The following DGKB variants were observed in gnomAD, a reference collection of about 807,000 sequenced individuals.
The protein encoded by DGKB is 90 kDa diacylglycerol kinase.
In DGKB, 67 loss-of-function variants were observed where a neutral mutation model predicts 114.3. The ratio of observed to expected loss-of-function variants is 0.59; its 90% CI spans 0.48 to 0.72. The LOEUF is 0.72. DGKB is among the 30% of genes least tolerant of loss of function. The pLI, the probability that DGKB is intolerant of heterozygous loss-of-function variation, is 0.00. For synonymous variants in DGKB, 398 were observed against 323.1 expected, an observed-to-expected ratio of 1.23 and a Z score of -2.49; for missense variants, 907 against 975.2, an observed-to-expected ratio of 0.93 and a Z score of 0.93.
chr7:14,247,210 T>C (rs1463907733), intron 23 of DGKB, among the ~76,000 whole-genome samples: 2 of 151,934 alleles, frequency 1.3e-5, no homozygotes, highest in Non-Finnish European at 2.9e-5. Context: ...TGTGTGTATA[T>C]GTGTGTTAAT....
chr7:14,508,387 G>T (rs544125107), intron 20 of DGKB, among the ~76,000 whole-genome samples: 3 of 152,124 alleles, frequency 2.0e-5, no homozygotes, highest in Non-Finnish European at 4.4e-5. Context: ...TCTTTAAAAG[G>T]CTCATTCATT....
At chr7:14,555,624 C>A (rs1795760830) in intron 20 of DGKB, among the ~76,000 whole-genome samples, 1 of 152,120 alleles carries the variant, frequency 6.6e-6, no homozygotes, top group African/African-American at 2.4e-5. Context: ...AAGGCTGAAA[C>A]CTACTGGGCT....
chr7:14,364,498 G>A (rs1016276361), intron 21 of DGKB, among the ~76,000 whole-genome samples: 2 of 151,932 alleles, frequency 1.3e-5, no homozygotes, highest in Non-Finnish European at 2.9e-5. Context: ...ACATTCAATC[G>A]TCACAATAGA....
intron 23 of DGKB, among the ~76,000 whole-genome samples, chr7:14,201,949 T>G (rs1785957743): frequency 6.6e-6 from 1 of 151,982 alleles, no homozygotes; most frequent in South Asian, 2.1e-4. Flanking sequence ...CCTGATAGTC[T>G]TCTATAAGAG....
chr7:14,866,887 C>T (rs574922961), intron 1 of DGKB, among the ~76,000 whole-genome samples: 12 of 152,208 alleles, frequency 7.9e-5, no homozygotes, highest in South Asian at 2.1e-4. Flanking sequence ...TCCTTAATAG[C>T]GTTTGATGTT....
At chr7:14,251,891 G>T (rs898157639) in intron 23 of DGKB, among the ~76,000 whole-genome samples, 1 of 151,970 alleles carries the variant, frequency 6.6e-6, no homozygotes, top group African/African-American at 2.4e-5. Flanking sequence ...GATTTCCTTT[G>T]TGTAACAATT....
chr7:14,660,458 G>C (rs1309730260), intron 13 of DGKB, among the ~76,000 whole-genome samples: 1 of 152,200 alleles, frequency 6.6e-6, no homozygotes, highest in East Asian at 1.9e-4. Flanking sequence ...GAGACTGTAT[G>C]TGTCGAGGAA....
chr7:14,621,603 A>C, intron 14 of DGKB, 109 bp from the exon 15 acceptor site: 1 of 655,784 alleles, frequency 1.5e-6, no homozygotes, highest in Non-Finnish European at 2.6e-6. Context: ...CACAGGCTCA[A>C]CTTTCTAATT....
intron 23 of DGKB, among the ~76,000 whole-genome samples, chr7:14,233,377 G>T (rs1307605836): frequency 6.6e-6 from 1 of 151,982 alleles, no homozygotes; most frequent in Non-Finnish European, 1.5e-5. Context: ...GTTCGTATTT[G>T]CTACTTTGTA....
intron 23 of DGKB, among the ~76,000 whole-genome samples, chr7:14,256,509 G>C (rs1200109695): frequency 6.6e-6 from 1 of 151,664 alleles, no homozygotes; most frequent in African/African-American, 2.4e-5. Flanking sequence ...ATTTCCAAAT[G>C]TATGAATACT....
intron 21 of DGKB, among the ~76,000 whole-genome samples, chr7:14,454,805 A>C (rs1832040344): frequency 6.6e-6 from 1 of 152,088 alleles, no homozygotes; most frequent in Non-Finnish European, 1.5e-5. Context: ...TGATGGGAAT[A>C]AAAACAAAAG....
intron 21 of DGKB, among the ~76,000 whole-genome samples, chr7:14,354,010 A>G (rs1388565151): frequency 2.6e-5 from 4 of 152,196 alleles, no homozygotes; most frequent in Admixed American, 1.3e-4. Flanking sequence ...ATCACTGTCA[A>G]TGAAGTCTGT....
intron 21 of DGKB, among the ~76,000 whole-genome samples, chr7:14,351,845 C>G (rs1176331181): frequency 4.6e-5 from 7 of 152,092 alleles, no homozygotes; most frequent in African/African-American, 7.2e-5. Flanking sequence ...ATAGAAAGAA[C>G]TCCATTTTAT....
At chr7:14,496,347 G>A (rs1244251862) in intron 20 of DGKB, among the ~76,000 whole-genome samples, 1 of 151,548 alleles carries the variant, frequency 6.6e-6, no homozygotes, top group Non-Finnish European at 1.5e-5. Context: ...TTTAAAAGGT[G>A]GTAAGATAGA....
At chr7:14,430,882 T>C (rs527947363) in intron 21 of DGKB, among the ~76,000 whole-genome samples, 2 of 152,292 alleles carry the variant, frequency 1.3e-5, no homozygotes, top group East Asian at 3.9e-4. Flanking sequence ...ACCTTTATTA[T>C]CTAATTATAA....
At chr7:14,819,405 G>A (rs1254714819) in intron 2 of DGKB, among the ~76,000 whole-genome samples, 1 of 151,980 alleles carries the variant, frequency 6.6e-6, no homozygotes, top group Non-Finnish European at 1.5e-5. Flanking sequence ...GGGCAACAAA[G>A]GGAAACCCCG....
chr7:14,276,444 C>T (rs1270432059), intron 23 of DGKB, among the ~76,000 whole-genome samples: 1 of 151,980 alleles, frequency 6.6e-6, no homozygotes, highest in African/African-American at 2.4e-5. Context: ...AATGCCATTG[C>T]CATCATATTT....
intron 1 of DGKB, among the ~76,000 whole-genome samples, chr7:14,956,675 T>C (rs73060820): frequency 0.046 from 7,033 of 152,098 alleles, 254 homozygotes; most frequent in Middle Eastern, 0.071. Flanking sequence ...CAAGAAATAT[T>C]ATTGTAACAT....
At chr7:14,718,896 G>A in intron 5 of DGKB, 1 of 465,832 alleles carries the variant, frequency 2.1e-6, no homozygotes, top group Non-Finnish European at 3.8e-6. Context: ...CCACAGACAT[G>A]GCACTGCCCT....
Sources: gnomAD v4.1 joint callset for allele counts (sites outside exome capture counted in the v4.1 genomes callset) on GRCh38, gnomAD v4.1.1 for gene constraint, MANE v1.5 for transcripts, NCBI Gene and HGNC (gene_info 2026-07-23, HGNC 2026-07-21) for gene names.